The following PLD5 variants were observed in gnomAD, a reference collection of about 807,000 sequenced individuals.
PLD5 encodes inactive phospholipase D5.
A neutral mutation model predicts 61.1 loss-of-function variants in PLD5; 36 were observed. That is an observed-to-expected ratio of 0.59 (90% CI 0.45 to 0.78). The LOEUF (loss-of-function observed/expected upper bound fraction) is 0.78. PLD5 is among the 30% of genes least tolerant of loss of function. PLD5 has a pLI of 0.00. For synonymous variants in PLD5, 243 were observed against 242.8 expected, an observed-to-expected ratio of 1.00 and a Z score of -0.01; for missense variants, 515 against 644.4, an observed-to-expected ratio of 0.80 and a Z score of 2.17.
chr1:242,328,133 A>G (rs1455279685), intron 2 of PLD5, among the ~76,000 whole-genome samples: 1 of 152,178 alleles, frequency 6.6e-6, no homozygotes, highest in Non-Finnish European at 1.5e-5. Flanking sequence ...ATGTAACTAA[A>G]TAGTCAATCA....
chr1:242,156,504 C>T (rs1046919359), intron 5 of PLD5, among the ~76,000 whole-genome samples: 1 of 152,032 alleles, frequency 6.6e-6, no homozygotes. Context: ...TGTTCCTTTC[C>T]TTGTTTAGTG....
intron 1 of PLD5, among the ~76,000 whole-genome samples, chr1:242,499,717 C>T (rs1668490417): frequency 6.6e-6 from 1 of 152,156 alleles, no homozygotes; most frequent in African/African-American, 2.4e-5. Context: ...TCGAACAAAC[C>T]ACCCCAAAAC....
chr1:242,358,030 T>C lies in PLD5; in HGVS notation c.190-9788A>G, dbSNP rs150586599. On this transcript the variant is annotated intron_variant, in intron 1 of 9. Coordinates refer to ENST00000536534, the MANE Select transcript of PLD5 (RefSeq NM_001372062.1). Reference sequence around the variant, plus strand: ...TGATCAAGCAGACTGTTGAAGTCTTTATTGCATTTTTCAGTTCAAGCATTG... The same window carrying C: ...TGATCAAGCAGACTGTTGAAGTCTTCATTGCATTTTTCAGTTCAAGCATTG... Among the ~76,000 whole-genome samples, 483 of 152,304 alleles carry C rather than the reference T, an allele frequency of 3.2e-3. 2 individuals are homozygous for C. The highest frequency in any genetic ancestry group is 0.011 in the African/African-American group (452 of 41,570).
rs887023061 is a variant in PLD5, at chr1:242,089,632, G to A, written c.*222C>T. The stretch of plus-strand genomic sequence containing the variant: ...AACGTAAAAACTAACTTCTACGCCA[G>A]AATGACATTCTCTGTCAGAGGTAAC... On this transcript the variant is annotated 3_prime_UTR_variant, in exon 10 of 10. Transcript: ENST00000536534. 1 of 594,206 alleles carries A rather than the reference G, an allele frequency of 1.7e-6. No homozygotes were observed. Among genetic ancestry groups the A allele is most frequent in the Admixed American group, 3.2e-5 (1 of 30,828 alleles). 36.8% of individuals were successfully genotyped at this position (594,206 alleles called of 1,614,324 possible).
At chr1:242,194,178 G>A (rs779201322) in intron 5 of PLD5, among the ~76,000 whole-genome samples, 7 of 152,210 alleles carry the variant, frequency 4.6e-5, no homozygotes, top group East Asian at 3.9e-4. Context: ...GGAATGCCTC[G>A]TCCCAGACAT....
intron 1 of PLD5, among the ~76,000 whole-genome samples, chr1:242,401,238 G>A (rs1167665091): frequency 6.6e-6 from 1 of 152,000 alleles, no homozygotes; most frequent in Non-Finnish European, 1.5e-5. Flanking sequence ...CCTCCAAAAC[G>A]TATTCCAAAA....
chr1:242,429,989 C>G (rs545716007), intron 1 of PLD5, among the ~76,000 whole-genome samples: 1 of 152,188 alleles, frequency 6.6e-6, no homozygotes, highest in Non-Finnish European at 1.5e-5. Flanking sequence ...AGCTTGACCA[C>G]AGAAAGCATT....
In PLD5 at chr1:242,166,837, C is replaced by G. The variant is rs543615111; in HGVS notation, c.736-42172G>C. ...TTAACTTAGGGAAAATGGAGAAATT[C>G]ATCCTTCTTTAAAATTCACAGACTA... On this transcript the variant is annotated intron_variant, in intron 5 of 9. Coordinates refer to ENST00000536534, the MANE Select transcript of PLD5 (RefSeq NM_001372062.1). Among the ~76,000 whole-genome samples, 26 of 152,170 alleles carry G rather than the reference C, an allele frequency of 1.7e-4. No individual in the cohort carries two copies. The South Asian group carries it at 5.2e-3, about 30-fold the overall frequency.
At chr1:242,363,879 T>C (rs1661202184) in intron 1 of PLD5, among the ~76,000 whole-genome samples, 1 of 152,190 alleles carries the variant, frequency 6.6e-6, no homozygotes, top group East Asian at 1.9e-4. Flanking sequence ...TGCGAAAAGA[T>C]TAATGAACTC....
intron 6 of PLD5, among the ~76,000 whole-genome samples, chr1:242,116,277 G>A (rs145673602): frequency 2.0e-4 from 31 of 152,254 alleles, no homozygotes; most frequent in African/African-American, 7.2e-4. Context: ...TGGACTGGAC[G>A]CCCACCTTAG....
At chr1:242,239,234 G>A (rs1360360461) in intron 4 of PLD5, among the ~76,000 whole-genome samples, 1 of 152,094 alleles carries the variant, frequency 6.6e-6, no homozygotes, top group Non-Finnish European at 1.5e-5. Flanking sequence ...AGAAACAATA[G>A]GAGTGGGCAC....
chr1:242,514,598 GAA>G (rs765402957), intron 1 of PLD5, among the ~76,000 whole-genome samples: 15 of 149,882 alleles, frequency 1.0e-4, no homozygotes, highest in Non-Finnish European at 1.9e-4. Flanking sequence ...AATAAAAGTT[GAA>G]AAAAGTCAAA....
intron 5 of PLD5, among the ~76,000 whole-genome samples, chr1:242,158,264 G>C (rs151212576): frequency 6.6e-6 from 1 of 152,114 alleles, no homozygotes; most frequent in Non-Finnish European, 1.5e-5. Context: ...TGTGGGACCC[G>C]CTGAACCAGA....
At chr1:242,377,999 A>G (rs1400243061) in intron 1 of PLD5, among the ~76,000 whole-genome samples, 1 of 152,234 alleles carries the variant, frequency 6.6e-6, no homozygotes, top group Non-Finnish European at 1.5e-5. Flanking sequence ...CTTATGATCC[A>G]GTAATTCCAC....
At chr1:242,229,790 T>C (rs542935005) in intron 4 of PLD5, among the ~76,000 whole-genome samples, 1 of 152,258 alleles carries the variant, frequency 6.6e-6, no homozygotes, top group East Asian at 1.9e-4. Context: ...CTTGGGATTC[T>C]TTTTTTCCTA....
At chr1:242,301,000 T>A (rs963838759) in intron 2 of PLD5, among the ~76,000 whole-genome samples, 4 of 152,178 alleles carry the variant, frequency 2.6e-5, no homozygotes, top group Non-Finnish European at 4.4e-5. Context: ...AGCTTGCCTT[T>A]CATCTTTCTC....
chr1:242,415,481 C>CA (rs1664769152), intron 1 of PLD5, among the ~76,000 whole-genome samples: 1 of 149,780 alleles, frequency 6.7e-6, no homozygotes, highest in African/African-American at 2.5e-5. Context: ...AAAAAGCTAA[C>CA]AAAAAACAAC....
chr1:242,225,313 A>C (rs1224755541), intron 4 of PLD5, among the ~76,000 whole-genome samples: 4 of 151,658 alleles, frequency 2.6e-5, no homozygotes, highest in African/African-American at 9.7e-5. Context: ...AGACCCATGC[A>C]TGCTGTCGTG....
chr1:242,309,518 T>G (rs990686368), intron 2 of PLD5, among the ~76,000 whole-genome samples: 4 of 151,602 alleles, frequency 2.6e-5, no homozygotes, highest in Admixed American at 2.6e-4. Flanking sequence ...GGATTACAGG[T>G]GCATGCCATC....
Sources: allele counts gnomAD v4.1 joint callset (sites outside exome capture counted in the v4.1 genomes callset), GRCh38; gene constraint gnomAD v4.1.1; transcripts MANE v1.5; gene names NCBI Gene and HGNC (gene_info 2026-07-23, HGNC 2026-07-21).